SYT6: variants seen among roughly 807,000 people sequenced by gnomAD.
The protein encoded by SYT6 is synaptotagmin-6.
In SYT6, 24 loss-of-function variants were observed where a neutral mutation model predicts 38.4. That is an observed-to-expected ratio of 0.62 (90% confidence interval 0.45 to 0.88). The LOEUF (loss-of-function observed/expected upper bound fraction) is 0.88. SYT6 is among the 40% of genes least tolerant of loss of function. SYT6 has a pLI of 0.00. For synonymous variants in SYT6, 265 were observed against 241.9 expected, an observed-to-expected ratio of 1.10 and a Z score of -0.89; for missense variants, 611 against 621.0, an observed-to-expected ratio of 0.98 and a Z score of 0.17.
At chr1:114,121,419 T>C (rs1194728651) in intron 3 of SYT6, among the ~76,000 whole-genome samples, 1 of 152,176 alleles carries the variant, frequency 6.6e-6, no homozygotes, top group African/African-American at 2.4e-5. Flanking sequence ...ACCCAGCCAG[T>C]GCATCAACCC....
chr1:114,142,627 G>A (rs1043616922), intron 1 of SYT6, among the ~76,000 whole-genome samples: 14 of 152,234 alleles, frequency 9.2e-5, no homozygotes, highest in Admixed American at 2.0e-4. Context: ...ATCAGACAGC[G>A]GTGCATGCTA....
intron 3 of SYT6, among the ~76,000 whole-genome samples, chr1:114,135,429 T>C (rs561850004): frequency 7.9e-5 from 12 of 152,320 alleles, no homozygotes; most frequent in African/African-American, 2.6e-4. Context: ...AGCTGTTTTC[T>C]ACCCCAGCCC....
At chr1:114,110,532 C>T (rs1371581054) in intron 3 of SYT6, among the ~76,000 whole-genome samples, 3 of 152,136 alleles carry the variant, frequency 2.0e-5, no homozygotes, top group Non-Finnish European at 4.4e-5. Context: ...GCTATGATAC[C>T]AGAGTAAGCA....
Position 114,120,309 on chromosome 1 carries a change from C to G in SYT6, c.1072-16588G>C, listed in dbSNP as rs555421736. 9.9e-5 allele frequency among the ~76,000 whole-genome samples: 15 copies of G among 152,274 alleles called. No homozygotes were observed. In the East Asian group the frequency reaches 2.7e-3, roughly 27 times the overall value. ...AGAACCAGGAATAGCTTAGTGTTTC[C>G]TAAGCCTCTGGTTTGTCTTTACTTA... is the stretch of plus-strand genomic sequence containing the variant. On this transcript the variant is annotated intron_variant, in intron 3 of 7. Coordinates refer to ENST00000610222, the MANE Select transcript of SYT6 (RefSeq NM_001253772.2).
At chr1:114,092,209 C>T in intron 7 of SYT6, 127 bp from the exon 8 acceptor site, 1 of 915,536 alleles carries the variant, frequency 1.1e-6, no homozygotes, top group Non-Finnish European at 1.6e-6. Context: ...TTGAATTTTG[C>T]TGTCAGCCAT....
chr1:114,122,043 G>A (rs373742187), intron 3 of SYT6, among the ~76,000 whole-genome samples: 1 of 152,302 alleles, frequency 6.6e-6, no homozygotes, highest in African/African-American at 2.4e-5. Context: ...TTGCTTACCT[G>A]CAGGCTCTTG....
chr1:114,144,320 C>T (rs1208959167), intron 1 of SYT6, among the ~76,000 whole-genome samples: 1 of 152,168 alleles, frequency 6.6e-6, no homozygotes, highest in Non-Finnish European at 1.5e-5. Flanking sequence ...AAAAATCTTA[C>T]TATTTAAGGT....
chr1:114,103,821 C>T, intron 3 of SYT6, 100 bp from the exon 4 acceptor site: 9 of 1,440,220 alleles, frequency 6.2e-6, no homozygotes, highest in Non-Finnish European at 7.4e-6. Flanking sequence ...CAGGAGGAGG[C>T]TCTTGGAGAC....
intron 3 of SYT6, among the ~76,000 whole-genome samples, chr1:114,135,038 T>C (rs1678392192): frequency 6.6e-6 from 1 of 152,078 alleles, no homozygotes; most frequent in Non-Finnish European, 1.5e-5. Flanking sequence ...AGCCTGCTCC[T>C]GAGAACTCTA....
At position 114,091,728 on chromosome 1, in the gene SYT6, C is replaced by A. The variant is rs1038379590; in HGVS notation, c.*406G>T. 6.8e-6 allele frequency: 2 copies of A among 292,696 alleles called. No individual in the cohort carries two copies. Among genetic ancestry groups the A allele is most frequent in the Non-Finnish European group, 1.2e-5 (2 of 164,292 alleles). 18.1% of individuals were successfully genotyped at this position (292,696 alleles called of 1,614,324 possible). A position where few individuals can be genotyped will look rare whatever the true frequency, so the allele number is the denominator to read the frequency against. Reference sequence around the variant, plus strand: ...AGAACCAACTTCTGGGCTTTCCACCCTTTGTCTTTTCCTACTCTTTTTTTT... The same window carrying A: ...AGAACCAACTTCTGGGCTTTCCACCATTTGTCTTTTCCTACTCTTTTTTTT... On this transcript the variant is annotated 3_prime_UTR_variant, in exon 8 of 8. Coordinates refer to ENST00000610222, the MANE Select transcript of SYT6 (RefSeq NM_001253772.2).
intron 3 of SYT6, among the ~76,000 whole-genome samples, chr1:114,109,933 G>A (rs1050145271): frequency 3.3e-5 from 5 of 152,216 alleles, no homozygotes; most frequent in Non-Finnish European, 7.3e-5. Context: ...GATCAACAGT[G>A]CCTAAAGACA....
chr1:114,140,038 A>G, intron 1 of SYT6, 75 bp from the exon 2 acceptor site: 1 of 852,938 alleles, frequency 1.2e-6, no homozygotes, highest in Non-Finnish European at 1.8e-6. Flanking sequence ...GTGTTGGAGG[A>G]GGGGGCACAC....
chr1:114,123,060 A>C lies in SYT6; in HGVS notation c.1071+14435T>G, dbSNP rs575145477. ...CCCTCCTTCCTGCCTTTTTGCTTCC[A>C]GCTGACTTTCAGCTAGTTCCTCTGA... On this transcript the variant is annotated intron_variant, in intron 3 of 7. Transcript: ENST00000610222. Among the ~76,000 whole-genome samples, 142 of 152,210 alleles carry C rather than the reference A, an allele frequency of 9.3e-4. 1 individual carries two copies. The highest frequency in any genetic ancestry group is 1.2e-3 in the East Asian group (6 of 5,158).
intron 3 of SYT6, among the ~76,000 whole-genome samples, chr1:114,132,045 G>A (rs964326655): frequency 2.6e-5 from 4 of 152,204 alleles, no homozygotes; most frequent in African/African-American, 9.7e-5. Flanking sequence ...TTCTGTTTGG[G>A]TGACAATGGG....
Position 114,092,074 on chromosome 1 carries a change from G to A in SYT6, c.*60C>T. 1.3e-6 allele frequency: 2 copies of A among 1,536,252 alleles called. No homozygotes were observed. Among genetic ancestry groups the A allele is most frequent in the East Asian group, 4.9e-5 (2 of 41,058 alleles). On this transcript the variant is annotated 3_prime_UTR_variant, in exon 8 of 8. Transcript: ENST00000610222. ...TCTCACTGTCGAAGCTAGCAGCTCGGCCCTGCCACTGCAAAGAGGAGAACA... is the reference window on the plus strand; with the variant it reads ...TCTCACTGTCGAAGCTAGCAGCTCGACCCTGCCACTGCAAAGAGGAGAACA...
At chr1:114,146,306 T>A (rs1679152963) in intron 1 of SYT6, among the ~76,000 whole-genome samples, 1 of 152,098 alleles carries the variant, frequency 6.6e-6, no homozygotes, top group Non-Finnish European at 1.5e-5. Context: ...ACATCCCTCA[T>A]CTCCTAGTTT....
chr1:114,123,173 C>T (rs1677525384), intron 3 of SYT6, among the ~76,000 whole-genome samples: 1 of 152,178 alleles, frequency 6.6e-6, no homozygotes, highest in African/African-American at 2.4e-5. Context: ...ATGGCTCTGA[C>T]AATGTGGAGG....
intron 4 of SYT6, among the ~76,000 whole-genome samples, chr1:114,099,911 C>G (rs12240251): frequency 1.3e-5 from 2 of 152,072 alleles, no homozygotes; most frequent in Non-Finnish European, 1.5e-5. Flanking sequence ...TCTCTGCTTC[C>G]CTGGAAGCCA....
At chr1:114,109,929 CA>C (rs1676572359) in intron 3 of SYT6, among the ~76,000 whole-genome samples, 1 of 152,192 alleles carries the variant, frequency 6.6e-6, no homozygotes, top group Admixed American at 6.5e-5. Flanking sequence ...GAGGGATCAA[CA>C]GTGCCTAAAG....
Sources: gnomAD v4.1 joint callset for allele counts (sites outside exome capture counted in the v4.1 genomes callset) on GRCh38, gnomAD v4.1.1 for gene constraint, MANE v1.5 for transcripts, NCBI Gene and HGNC (gene_info 2026-07-23, HGNC 2026-07-21) for gene names.